DSP: variants seen among roughly 807,000 people sequenced by gnomAD.
DSP encodes the protein 250/210 kDa paraneoplastic pemphigus antigen.
Under a neutral mutation model 290.6 loss-of-function variants are expected in DSP, and 114 were observed. That is an observed-to-expected ratio of 0.39 (90% CI 0.34 to 0.46). The LOEUF is 0.46. DSP is among the 20% of genes least tolerant of loss of function. The pLI is 0.99. For missense variants in DSP, 3,230 were observed against 3,495.8 expected, an observed-to-expected ratio of 0.92 and a Z score of 1.92; for synonymous variants, 1,311 against 1,316.4, an observed-to-expected ratio of 1.00 and a Z score of 0.09.
rs575396486 is a variant in DSP, at chr6:7,574,018, C to T, written c.2131-68C>T. 3.5e-4 allele frequency: 545 copies of T among 1,537,446 alleles called. 9 individuals are homozygous for T. In the South Asian group the frequency reaches 5.7e-3, roughly 16 times the overall value. On this transcript the variant is annotated intron_variant, in intron 15 of 23. Transcript: ENST00000379802. Reference sequence around the variant, plus strand: ...ATGTGTATTAAAACAGCATATTGTACACCTTAAATATATACAGTAATAAAA... The same window carrying T: ...ATGTGTATTAAAACAGCATATTGTATACCTTAAATATATACAGTAATAAAA...
At position 7,580,256 on chromosome 6, in the gene DSP, G is replaced by T; in HGVS notation, c.4066G>T (p.Asp1356Tyr). The T allele has an allele frequency of 6.2e-7, 1 of 1,613,980 alleles. No homozygotes were observed. The change falls in exon 23 of 24, where the codon GAT (aspartate) becomes TAT (tyrosine). Residue 1356 changes from aspartate (D) to tyrosine (Y), a missense_variant. Transcript: ENST00000379802. This position sits in a 1 kb window ranked among gnomAD's most constrained non-coding sequence, Gnocchi z 4.2. ...NELSKVRNNY[D>Y]EEIISLKNQF... ...ACTGAGTAAGGTAAGAAACAATTAT[G>T]ATGAGGAGATCATTAGCTTAAAAAA...
rs1759008080 is a variant in DSP, at chr6:7,570,432, CTT to C, written c.1575-4_1575-3del. ...TCTAGCATGTTTTCCCTTTGTGCCT[CTT>C]AGGATTGAGCAGTACTACGAAGCCA... On this transcript the variant is annotated splice_region_variant and splice_polypyrimidine_tract_variant and intron_variant, in intron 12 of 23. Transcript: ENST00000379802. 1 of 1,614,132 alleles carries C rather than the reference CTT, an allele frequency of 6.2e-7. No homozygotes were observed. The highest frequency in any genetic ancestry group is 2.2e-5 in the East Asian group (1 of 44,884).
At chr6:7,570,244 A>G (rs930529398) in intron 12 of DSP, among the ~76,000 whole-genome samples, 193 bp from the exon 13 acceptor site, 1 of 152,222 alleles carries the variant, frequency 6.6e-6, no homozygotes, top group Non-Finnish European at 1.5e-5. Flanking sequence ...AATAATGTAG[A>G]TAATTCAGAA....
rs386406062 is a variant in DSP at position 7,544,491 on chromosome 6, CT to C, written c.170+2419del. Among the ~76,000 whole-genome samples, 374 of 142,582 alleles carry C rather than the reference CT, an allele frequency of 2.6e-3. 1 individual carries two copies. The highest frequency in any genetic ancestry group is 2.2e-3 in the African/African-American group (85 of 38,878). 93.5% of individuals were successfully genotyped at this position (142,582 alleles called of 152,430 possible). ...TTTTGTGGTTTTCTTTTCTTTCTTT[CT>C]TTTTTTTTTTTTAGCATGAAAACTA... On this transcript the variant is annotated intron_variant, in intron 1 of 23. Coordinates refer to ENST00000379802, the MANE Select transcript of DSP (RefSeq NM_004415.4).
At chr6:7,559,539 C>T in intron 4 of DSP, 139 bp downstream of exon 4, 1 of 1,065,388 alleles carries the variant, frequency 9.4e-7, no homozygotes, top group Non-Finnish European at 1.4e-6. Flanking sequence ...GGATTTTCCT[C>T]CTATACAATT....
intron 1 of DSP, among the ~76,000 whole-genome samples, chr6:7,543,618 C>T (rs901216628): frequency 2.0e-5 from 3 of 152,124 alleles, no homozygotes; most frequent in African/African-American, 7.2e-5. Flanking sequence ...GATGCACATC[C>T]TTTAAATGTG....
At position 7,583,885 on chromosome 6, in the gene DSP, T is replaced by C. The variant is rs960522694; in HGVS notation, c.6623T>C (p.Met2208Thr). 3.7e-6 allele frequency: 6 copies of C among 1,614,154 alleles called. No individual in the cohort carries two copies. The highest frequency in any genetic ancestry group is 5.1e-6 in the Non-Finnish European group (6 of 1,180,022). Residue 2208 changes from methionine to threonine, a missense_variant, in exon 24 of 24, where the codon ATG (methionine) becomes ACG (threonine). Physicochemically the swap from Met to Thr is moderately conservative, Grantham distance 81 (BLOSUM62 -1). Coordinates refer to ENST00000379802, the MANE Select transcript of DSP (RefSeq NM_004415.4). This position sits in a 1 kb window ranked among gnomAD's most constrained non-coding sequence, Gnocchi z 4.0. The part of the protein sequence containing the change: ...LLLLSVQKRS[M>T]SFQGIRQPVT... ...TTGCTTTCAGTACAGAAGAGAAGCA[T>C]GTCCTTCCAAGGAATCAGACAACCT...
In DSP at chr6:7,571,529, G is replaced by A. The variant is rs1215425090; in HGVS notation, c.1848G>A (p.Gln616=). ...TACAGTCTCAGTTCACCGATGCCCA[G>A]AAGCATTACCAGACCCTGGTCATTC... is the stretch of plus-strand genomic sequence containing the variant. ...RKIQSQFTDA[Q]KHYQTLVIQL... The change falls in exon 14 of 24, where the codon CAG becomes CAA. Residue 616 remains glutamine, a synonymous_variant. Coordinates refer to ENST00000379802, the MANE Select transcript of DSP (RefSeq NM_004415.4). 1 of 1,614,184 alleles carries A rather than the reference G, an allele frequency of 6.2e-7. No individual in the cohort carries two copies. Among genetic ancestry groups the A allele is most frequent in the East Asian group, 2.2e-5 (1 of 44,880 alleles).
In DSP at chr6:7,581,577, C is replaced by A. The variant is rs771984464; in HGVS notation, c.5379+8C>A. 11 of 1,612,292 alleles carry A rather than the reference C, an allele frequency of 6.8e-6. No individual in the cohort carries two copies. In the South Asian group the frequency reaches 1.2e-4, roughly 18 times the overall value. On this transcript the variant is annotated splice_region_variant and intron_variant, in intron 23 of 23. Coordinates refer to ENST00000379802, the MANE Select transcript of DSP (RefSeq NM_004415.4). ...CAAAAGCAGGCTTTAGAGGTATTCA[C>A]AAATACTTGATCACAGCTTCACTGT...
At chr6:7,573,553 G>A (rs1759126164) in intron 15 of DSP, among the ~76,000 whole-genome samples, 1 of 151,746 alleles carries the variant, frequency 6.6e-6, no homozygotes, top group Non-Finnish European at 1.5e-5. Flanking sequence ...ACTCCAGCCT[G>A]GGCGACAGAG....
intron 1 of DSP, 45 bp downstream of exon 1, chr6:7,542,130 A>T (rs1758004963): frequency 5.2e-6 from 8 of 1,548,594 alleles, no homozygotes; most frequent in Non-Finnish European, 6.1e-6. Flanking sequence ...CTCGCGGGAC[A>T]GGGAGGGACC....
intron 23 of DSP, 39 bp downstream of exon 23, chr6:7,581,608 A>T (rs367947833): frequency 6.2e-7 from 1 of 1,607,956 alleles, no homozygotes; most frequent in Non-Finnish European, 8.5e-7. Context: ...ACTGTTTCTC[A>T]AATTATTCAT....
At chr6:7,554,479 C>T (rs917101533) in intron 1 of DSP, among the ~76,000 whole-genome samples, 10 of 152,216 alleles carry the variant, frequency 6.6e-5, no homozygotes, top group African/African-American at 1.9e-4. Context: ...TTGAAATGTA[C>T]ATTGAATGAG....
intron 1 of DSP, among the ~76,000 whole-genome samples, chr6:7,549,957 C>T (rs1758285358): frequency 6.6e-6 from 1 of 152,154 alleles, no homozygotes; most frequent in Admixed American, 6.5e-5. Flanking sequence ...TATAATGTCC[C>T]TCTTTGAAAT....
chr6:7,548,783 T>G (rs1581784916), intron 1 of DSP, among the ~76,000 whole-genome samples: 1 of 152,200 alleles, frequency 6.6e-6, no homozygotes, highest in South Asian at 2.1e-4. Flanking sequence ...AGAGCTGTGC[T>G]CTCTGGTTGA....
In DSP at chr6:7,565,789, T is replaced by A. The variant is rs1758844383; in HGVS notation, c.939+269T>A. ...TAAATGATGAGAATACATGGATACA[T>A]CGAGGGCAACAACACACACTGGGGC... On this transcript the variant is annotated intron_variant, in intron 7 of 23. Coordinates refer to ENST00000379802, the MANE Select transcript of DSP (RefSeq NM_004415.4). The surrounding 1 kb of genome is among the most constrained non-coding windows in gnomAD (Gnocchi z 4.2). 5.7e-5 allele frequency: 26 copies of A among 455,456 alleles called. No homozygotes were observed. The highest frequency in any genetic ancestry group is 4.9e-4 in the South Asian group (24 of 48,668). The allele number at this position is 455,456 out of a possible 1,614,324, so 28.2% of individuals were successfully genotyped here.
Position 7,580,518 on chromosome 6 carries a change from G to A in DSP, c.4328G>A (p.Arg1443Lys). Residue 1443 changes from arginine to lysine, a missense_variant, in exon 23 of 24, where the codon AGG becomes AAG. By Grantham distance (26) the Arg-to-Lys change is conservative. Transcript: ENST00000379802. This position sits in a 1 kb window ranked among gnomAD's most constrained non-coding sequence, Gnocchi z 4.2. Reference protein sequence around the residue: ...QKATGSEVSQRKQQLEVELRQ... With the variant: ...QKATGSEVSQKKQQLEVELRQ... ...GCCACTGGCTCTGAGGTGTCTCAGAGGAAACAGCAGCTGGAGGTTGAGCTG... is the reference window on the plus strand; with the variant it reads ...GCCACTGGCTCTGAGGTGTCTCAGAAGAAACAGCAGCTGGAGGTTGAGCTG... 6.2e-7 allele frequency: 1 copy of A among 1,614,172 alleles called. No individual in the cohort carries two copies. The highest frequency in any genetic ancestry group is 8.5e-7 in the Non-Finnish European group (1 of 1,180,028).
In DSP at chr6:7,568,387, A is replaced by C. The variant is rs781654558; in HGVS notation, c.1267-50A>C. Reference sequence around the variant, plus strand: ...TTAATGCAGGTTGAAAATCTCCTCTAAAACTCACAGGGTATCTATGTTTAA... The same window carrying C: ...TTAATGCAGGTTGAAAATCTCCTCTCAAACTCACAGGGTATCTATGTTTAA... On this transcript the variant is annotated intron_variant, in intron 10 of 23. Coordinates refer to ENST00000379802, the MANE Select transcript of DSP (RefSeq NM_004415.4). 3.1e-6 allele frequency: 5 copies of C among 1,605,086 alleles called. No individual in the cohort carries two copies. In the East Asian group the frequency reaches 8.9e-5, roughly 29 times the overall value.
In DSP at chr6:7,584,340, G is replaced by A; in HGVS notation, c.7078G>A (p.Glu2360Lys). 1.2e-6 allele frequency: 2 copies of A among 1,614,124 alleles called. No homozygotes were observed. Among genetic ancestry groups the A allele is most frequent in the Non-Finnish European group, 1.7e-6 (2 of 1,180,030 alleles). ...CCAAGCCATGAATAAGGAACTCATC[G>A]AAAAGGGCCACGGTATTCGCTTATT... ...LFQAMNKELI[E>K]KGHGIRLLEA... Residue 2360 changes from glutamate to lysine, a missense_variant, in exon 24 of 24, where the codon GAA (glutamate) becomes AAA (lysine). Physicochemically the swap from Glu to Lys is moderately conservative, Grantham distance 56. Around this residue, in one of 5 missense-constraint regions of DSP, gnomAD observed 207 missense variants for 281.2 expected, o/e 0.74. Transcript: ENST00000379802. The surrounding 1 kb of genome is among the most constrained non-coding windows in gnomAD (Gnocchi z 6.4).
Sources: allele counts gnomAD v4.1 joint callset (sites outside exome capture counted in the v4.1 genomes callset), GRCh38; gene constraint gnomAD v4.1.1; regional missense constraint gnomAD v4.1.1; non-coding constraint Gnocchi (gnomAD v3.1); transcripts MANE v1.5; gene names NCBI Gene and HGNC (gene_info 2026-07-23, HGNC 2026-07-21).